Variants in ZNF804B observed in about 807,000 individuals in gnomAD.
ZNF804B encodes the protein zinc finger protein 804B, also known as zinc finger 804B.
In ZNF804B, 80 loss-of-function variants were observed where a neutral mutation model predicts 101.4. The observed-to-expected ratio is 0.79, with a 90% CI of 0.66 to 0.95. ZNF804B has a LOEUF of 0.95. ZNF804B is among the 40% of genes least tolerant of loss of function. The pLI is 0.00. For synonymous variants in ZNF804B, 622 were observed against 558.8 expected (o/e 1.11, Z -1.59); for missense variants, 1,673 against 1,561.9 (o/e 1.07, Z -1.20).
At chr7:88,873,637 G>A (rs1432380303) in intron 1 of ZNF804B, among the ~76,000 whole-genome samples, 1 of 152,050 alleles carries the variant, frequency 6.6e-6, no homozygotes, top group African/African-American at 2.4e-5. Flanking sequence ...ATCTTGAATT[G>A]ATTTTTATAC....
chr7:88,926,615 G>A (rs1792804360), intron 1 of ZNF804B, among the ~76,000 whole-genome samples: 1 of 151,662 alleles, frequency 6.6e-6, no homozygotes, highest in Non-Finnish European at 1.5e-5. Context: ...CTCAAAATAA[G>A]TAAGTAAATA....
At chr7:88,919,034 T>C (rs1792679915) in intron 1 of ZNF804B, among the ~76,000 whole-genome samples, 1 of 152,130 alleles carries the variant, frequency 6.6e-6, no homozygotes, top group Non-Finnish European at 1.5e-5. Flanking sequence ...GGAGTGTTTA[T>C]ACTGCTCAGT....
intron 1 of ZNF804B, among the ~76,000 whole-genome samples, chr7:88,992,135 C>T (rs1253800557): frequency 2.0e-5 from 3 of 152,222 alleles, no homozygotes; most frequent in African/African-American, 4.8e-5. Context: ...TAGCCATTGA[C>T]GGCTTAAATG....
intron 1 of ZNF804B, among the ~76,000 whole-genome samples, chr7:89,084,365 G>A (rs1789741106): frequency 6.6e-6 from 1 of 151,916 alleles, no homozygotes; most frequent in African/African-American, 2.4e-5. Flanking sequence ...GATACTGAAA[G>A]AGAGGTTAAA....
intron 1 of ZNF804B, among the ~76,000 whole-genome samples, chr7:89,064,607 A>T (rs1352167145): frequency 6.6e-6 from 1 of 152,164 alleles, no homozygotes; most frequent in Non-Finnish European, 1.5e-5. Context: ...AAAAATCCTG[A>T]TCCTTTCCCC....
At chr7:89,250,328 A>T (rs1271875280) in intron 2 of ZNF804B, among the ~76,000 whole-genome samples, 1 of 152,206 alleles carries the variant, frequency 6.6e-6, no homozygotes, top group Non-Finnish European at 1.5e-5. Flanking sequence ...CAAATTAGGA[A>T]ATCTAGAGAA....
intron 1 of ZNF804B, among the ~76,000 whole-genome samples, chr7:89,048,394 A>T (rs1789146578): frequency 6.6e-6 from 1 of 151,916 alleles, no homozygotes; most frequent in Non-Finnish European, 1.5e-5. Flanking sequence ...GCTGTTAGCC[A>T]CCTGGGAGGG....
chr7:89,018,368 G>T (rs1025012495), intron 1 of ZNF804B, among the ~76,000 whole-genome samples: 1 of 151,954 alleles, frequency 6.6e-6, no homozygotes, highest in East Asian at 1.9e-4. Context: ...AATCTCACTA[G>T]ATCATGGTTT....
At position 89,060,905 on chromosome 7, in the gene ZNF804B, C is replaced by T. The variant is rs545899738; in HGVS notation, c.109-157250C>T. On this transcript the variant is annotated intron_variant, in intron 1 of 3. Coordinates refer to ENST00000333190, the MANE Select transcript of ZNF804B (RefSeq NM_181646.5). ...TGAAATACATTTCTTGATATCCTGGCTTTATTGGCAACTGCATATGGAGTG... is the reference window on the plus strand; with the variant it reads ...TGAAATACATTTCTTGATATCCTGGTTTTATTGGCAACTGCATATGGAGTG... 1.4e-4 allele frequency among the ~76,000 whole-genome samples: 22 copies of T among 152,176 alleles called. No homozygotes were observed. The South Asian group carries it at 4.6e-3, about 32-fold the overall frequency.
intron 1 of ZNF804B, among the ~76,000 whole-genome samples, chr7:88,767,849 T>C (rs1186286169): frequency 6.6e-6 from 1 of 152,254 alleles, no homozygotes; most frequent in Non-Finnish European, 1.5e-5. Context: ...TTGCAGACGC[T>C]GTTCCCTCTA....
At chr7:89,321,901 C>T (rs1372925611) in intron 2 of ZNF804B, among the ~76,000 whole-genome samples, 1 of 151,988 alleles carries the variant, frequency 6.6e-6, no homozygotes, top group Non-Finnish European at 1.5e-5. Flanking sequence ...AGAGATATGA[C>T]AGTACTAATA....
intron 1 of ZNF804B, among the ~76,000 whole-genome samples, chr7:89,043,832 C>A (rs1789056246): frequency 6.6e-6 from 1 of 152,128 alleles, no homozygotes; most frequent in South Asian, 2.1e-4. Context: ...CAGCCTCCTT[C>A]CAAACTGGGC....
At chr7:89,332,842 A>T (rs1032325802) in intron 3 of ZNF804B, among the ~76,000 whole-genome samples, 2 of 151,916 alleles carry the variant, frequency 1.3e-5, no homozygotes, top group African/African-American at 4.8e-5. Context: ...CAAGTCATAA[A>T]GAAAGAACTT....
intron 1 of ZNF804B, among the ~76,000 whole-genome samples, chr7:89,112,038 C>G (rs1480766443): frequency 6.8e-6 from 1 of 146,868 alleles, no homozygotes; most frequent in African/African-American, 2.6e-5. Flanking sequence ...CCTGGGAGAC[C>G]TAGGTTGCAG....
At chr7:88,918,667 G>T (rs1288766639) in intron 1 of ZNF804B, among the ~76,000 whole-genome samples, 2 of 152,042 alleles carry the variant, frequency 1.3e-5, no homozygotes, top group Non-Finnish European at 2.9e-5. Flanking sequence ...TTTTCAGAAT[G>T]CAACTTAGAC....
intron 1 of ZNF804B, among the ~76,000 whole-genome samples, chr7:89,091,215 C>T (rs564736716): frequency 2.4e-4 from 36 of 149,814 alleles, no homozygotes; most frequent in Non-Finnish European, 4.0e-4. Context: ...ATAATAATGC[C>T]AGCTAGGAAA....
At chr7:88,817,875 G>A (rs1790911324) in intron 1 of ZNF804B, among the ~76,000 whole-genome samples, 1 of 152,166 alleles carries the variant, frequency 6.6e-6, no homozygotes, top group African/African-American at 2.4e-5. Context: ...TTACTGGTGT[G>A]ATAGGAATTC....
Position 89,336,652 on chromosome 7 carries a change from A to G in ZNF804B, c.3670A>G (p.Ser1224Gly). The change falls in exon 4 of 4, where the codon AGT becomes GGT. Residue 1224 changes from serine to glycine, a missense_variant. Physicochemically the swap from Ser to Gly is moderately conservative, Grantham distance 56. Coordinates refer to ENST00000333190, the MANE Select transcript of ZNF804B (RefSeq NM_181646.5). ...GCATTTTGCTGTTTCTGCTTCCTTA[A>G]GTTCTCATAGCAGTCACCTCCCTAT... ...LQHFAVSASL[S>G]SHSSHLPIAH... 1 of 1,614,006 alleles carries G rather than the reference A, an allele frequency of 6.2e-7. No homozygotes were observed. Among genetic ancestry groups the G allele is most frequent in the Non-Finnish European group, 8.5e-7 (1 of 1,179,996 alleles).
chr7:89,129,161 A>G (rs1790511192), intron 1 of ZNF804B, among the ~76,000 whole-genome samples: 1 of 152,044 alleles, frequency 6.6e-6, no homozygotes, highest in African/African-American at 2.4e-5. Context: ...AATTCAGGAC[A>G]TCATTTGAAG....
Sources: allele counts gnomAD v4.1 joint callset (sites outside exome capture counted in the v4.1 genomes callset), GRCh38; gene constraint gnomAD v4.1.1; transcripts MANE v1.5; gene names NCBI Gene and HGNC (gene_info 2026-07-23, HGNC 2026-07-21).